Variants in CD247 observed in about 807,000 individuals in gnomAD.
CD247 encodes CD247 molecule, also known as T-cell surface glycoprotein CD3 zeta chain.
A neutral mutation model predicts 30.0 loss-of-function variants in CD247; 13 were observed. The ratio of observed to expected loss-of-function variants is 0.43; its 90% CI spans 0.28 to 0.69. The LOEUF is 0.69. CD247 is among the 30% of genes least tolerant of loss of function. The pLI, the probability that CD247 is intolerant of heterozygous loss-of-function variation, is 0.16. For synonymous variants in CD247, 72 were observed against 80.0 expected, an observed-to-expected ratio of 0.90 and a Z score of 0.53; for missense variants, 193 against 212.6, an observed-to-expected ratio of 0.91 and a Z score of 0.57.
At chr1:167,434,652 G>A (rs1287742329) in intron 5 of CD247, 9 of 394,720 alleles carry the variant, frequency 2.3e-5, no homozygotes, top group Admixed American at 5.6e-5. Context: ...GGAGCCCCTC[G>A]AAGGGGCCAG....
In CD247 at chr1:167,475,047, C is replaced by T. The variant is rs376440564; in HGVS notation, c.59-34280G>A. ...GATTACAGGTGTGAGCCACCGCACC[C>T]GGCAAAACTGTCAAATATTTTTATG... On this transcript the variant is annotated intron_variant, in intron 1 of 7. Transcript: ENST00000362089. Among the ~76,000 whole-genome samples, 260 of 152,190 alleles carry T rather than the reference C, an allele frequency of 1.7e-3. 1 individual carries two copies. Among genetic ancestry groups the T allele is most frequent in the Middle Eastern group, 0.01 (3 of 294 alleles).
At chr1:167,492,946 C>T (rs1401314219) in intron 1 of CD247, among the ~76,000 whole-genome samples, 1 of 151,458 alleles carries the variant, frequency 6.6e-6, no homozygotes. Flanking sequence ...TATTGTTCTA[C>T]TTTTCTGTTG....
intron 1 of CD247, among the ~76,000 whole-genome samples, chr1:167,510,409 C>T (rs79832845): frequency 0.048 from 7,361 of 152,256 alleles, 252 homozygotes; most frequent in Middle Eastern, 0.12. Context: ...TACATGCTGG[C>T]GTGCACATTG....
At chr1:167,480,570 G>A (rs1653934528) in intron 1 of CD247, among the ~76,000 whole-genome samples, 1 of 152,192 alleles carries the variant, frequency 6.6e-6, no homozygotes. Flanking sequence ...AGGCTGTGGA[G>A]CATGTAAACA....
intron 1 of CD247, among the ~76,000 whole-genome samples, chr1:167,512,447 T>C (rs935604070): frequency 2.6e-5 from 4 of 152,114 alleles, no homozygotes; most frequent in Non-Finnish European, 4.4e-5. Context: ...TTTAAAACTT[T>C]GTAATTTCAA....
intron 1 of CD247, among the ~76,000 whole-genome samples, chr1:167,503,614 G>A (rs1655000933): frequency 6.6e-6 from 1 of 152,156 alleles, no homozygotes; most frequent in Admixed American, 6.5e-5. Context: ...CTTTTTTGTA[G>A]TATAGTATTA....
Position 167,518,467 on chromosome 1 carries a change from T to C in CD247, c.-2A>G, listed in dbSNP as rs369409764. 6.2e-7 allele frequency: 1 copy of C among 1,614,034 alleles called. No individual in the cohort carries two copies. Among genetic ancestry groups the C allele is most frequent in the Admixed American group, 1.7e-5 (1 of 60,030 alleles). ...GGTGAAAAGCGCCTTCCACTTCATC[T>C]TGTCCTTTCCCTCAGAAAGAGGCTG... is the stretch of plus-strand genomic sequence containing the variant. On this transcript the variant is annotated 5_prime_UTR_variant, in exon 1 of 8. Coordinates refer to ENST00000362089, the MANE Select transcript of CD247 (RefSeq NM_198053.3).
At chr1:167,482,192 A>G (rs185679032) in intron 1 of CD247, among the ~76,000 whole-genome samples, 2 of 152,264 alleles carry the variant, frequency 1.3e-5, no homozygotes, top group East Asian at 3.9e-4. Flanking sequence ...ACACCACCCG[A>G]CTGGAGACAA....
chr1:167,467,833 T>C (rs545434039), intron 1 of CD247, among the ~76,000 whole-genome samples: 23 of 152,212 alleles, frequency 1.5e-4, no homozygotes, highest in Non-Finnish European at 1.3e-4. Context: ...CTGTGGGCTA[T>C]TTCCCATCAT....
chr1:167,502,589 C>G (rs1654958170), intron 1 of CD247, among the ~76,000 whole-genome samples: 2 of 152,114 alleles, frequency 1.3e-5, no homozygotes, highest in Non-Finnish European at 2.9e-5. Flanking sequence ...ACTGTGTCCC[C>G]TCAAAAGATA....
intron 1 of CD247, among the ~76,000 whole-genome samples, chr1:167,474,666 G>C (rs1653671180): frequency 6.6e-6 from 1 of 152,066 alleles, no homozygotes; most frequent in African/African-American, 2.4e-5. Context: ...AAAAGTATTT[G>C]GGAGCCAGCT....
At chr1:167,511,783 G>GC (rs1176845323) in intron 1 of CD247, among the ~76,000 whole-genome samples, 5 of 152,010 alleles carry the variant, frequency 3.3e-5, no homozygotes, top group African/African-American at 1.2e-4. Flanking sequence ...CTGTACGAGG[G>GC]CCCCGAGAAA....
chr1:167,439,932 C>G (rs1193668455), intron 2 of CD247: 1 of 168,906 alleles, frequency 5.9e-6, no homozygotes, highest in African/African-American at 2.4e-5. Context: ...GGGAAGCTGA[C>G]ACAGCCTCAC....
chr1:167,434,186 G>T, intron 5 of CD247, 110 bp from the exon 6 acceptor site: 1 of 959,502 alleles, frequency 1.0e-6, no homozygotes. Context: ...GTGGCAGACA[G>T]GGAGGGCTCC....
At chr1:167,473,210 C>T (rs1653606148) in intron 1 of CD247, among the ~76,000 whole-genome samples, 1 of 152,220 alleles carries the variant, frequency 6.6e-6, no homozygotes, top group South Asian at 2.1e-4. Context: ...CTCTTACACC[C>T]TCTGGGTGGT....
intron 1 of CD247, among the ~76,000 whole-genome samples, chr1:167,443,718 T>C (rs1296256036): frequency 6.6e-6 from 1 of 152,188 alleles, no homozygotes; most frequent in Non-Finnish European, 1.5e-5. Context: ...CAAGTTTCCT[T>C]CCTTTCTTCC....
intron 1 of CD247, among the ~76,000 whole-genome samples, chr1:167,452,385 G>T (rs1203045302): frequency 1.3e-5 from 2 of 149,074 alleles, no homozygotes; most frequent in African/African-American, 4.9e-5. Flanking sequence ...CTGCACTCCA[G>T]CCTGGGCGAG....
chr1:167,496,002 G>A (rs566453564), intron 1 of CD247, among the ~76,000 whole-genome samples: 1 of 152,216 alleles, frequency 6.6e-6, no homozygotes, highest in South Asian at 2.1e-4. Flanking sequence ...GCCTGTCTCC[G>A]TCTTTAATTG....
At chr1:167,501,460 T>G (rs1415577792) in intron 1 of CD247, among the ~76,000 whole-genome samples, 1 of 152,238 alleles carries the variant, frequency 6.6e-6, no homozygotes, top group East Asian at 1.9e-4. Flanking sequence ...ATACATCTGT[T>G]TTGTAAACAA....
Sources: allele counts gnomAD v4.1 joint callset (sites outside exome capture counted in the v4.1 genomes callset), GRCh38; gene constraint gnomAD v4.1.1; transcripts MANE v1.5; gene names NCBI Gene and HGNC (gene_info 2026-07-23, HGNC 2026-07-21).